C16orf87: variants seen among roughly 807,000 people sequenced by gnomAD.
C16orf87 encodes UPF0547 protein C16orf87.
Under a neutral mutation model 21.0 loss-of-function variants are expected in C16orf87, and 13 were observed. The ratio of observed to expected loss-of-function variants is 0.62; its 90% CI spans 0.40 to 0.98. The LOEUF (loss-of-function observed/expected upper bound fraction) is 0.98, where lower values mean the gene tolerates loss of function less well. Ranked by LOEUF, C16orf87 falls within the 50% of genes least tolerant of loss-of-function variation. C16orf87 has a pLI of 0.00. For missense variants in C16orf87, 113 were observed against 180.4 expected, an observed-to-expected ratio of 0.63 and a Z score of 2.14; for synonymous variants, 49 against 60.2, an observed-to-expected ratio of 0.81 and a Z score of 0.86.
At chr16:46,805,781 G>T (rs949481612) in intron 3 of C16orf87, among the ~76,000 whole-genome samples, 2 of 152,334 alleles carry the variant, frequency 1.3e-5, no homozygotes, top group Admixed American at 6.5e-5. Flanking sequence ...AATCTCTAAT[G>T]AGAGTATCTT....
At chr16:46,818,755 T>C (rs992192958) in intron 2 of C16orf87, among the ~76,000 whole-genome samples, 1 of 152,158 alleles carries the variant, frequency 6.6e-6, no homozygotes, top group African/African-American at 2.4e-5. Flanking sequence ...AGTAGTGAGA[T>C]CACCGCTCAC....
chr16:46,816,776 T>C (rs764911196), intron 2 of C16orf87, among the ~76,000 whole-genome samples: 2 of 152,206 alleles, frequency 1.3e-5, no homozygotes, highest in Non-Finnish European at 1.5e-5. Flanking sequence ...CATCTAGCTC[T>C]AGCCAATGAC....
At chr16:46,825,906 C>A (rs1025900520) in intron 1 of C16orf87, among the ~76,000 whole-genome samples, 4 of 145,604 alleles carry the variant, frequency 2.7e-5, no homozygotes, top group Middle Eastern at 3.5e-3. Context: ...ATGAGCAAGA[C>A]TCTGTCTCAA....
At chr16:46,830,499 AAATAT>A (rs1266005077) in intron 1 of C16orf87, 1 of 152,306 alleles carries the variant, frequency 6.6e-6, no homozygotes, top group African/African-American at 2.4e-5. Flanking sequence ...TGCACAGCAA[AAATAT>A]AATAAATAGA....
chr16:46,830,390 G>A (rs1476842393), intron 1 of C16orf87, among the ~76,000 whole-genome samples: 1 of 152,106 alleles, frequency 6.6e-6, no homozygotes, highest in South Asian at 2.1e-4. Flanking sequence ...ACTGCGAGGG[G>A]TGGGGAAGTT....
Position 46,831,161 on chromosome 16 carries a change from T to C in C16orf87, c.-12A>G. ...CGAGTTGCAGACATGCTCCTCTCCC[T>C]TAGCGGCGGCAGCAGCGACGGCTCG... On this transcript the variant is annotated 5_prime_UTR_variant, in exon 1 of 4. Coordinates refer to ENST00000285697, the MANE Select transcript of C16orf87 (RefSeq NM_001001436.4). The C allele has an allele frequency of 6.4e-7, 1 of 1,557,718 alleles. No homozygotes were observed. Among genetic ancestry groups the C allele is most frequent in the Non-Finnish European group, 8.7e-7 (1 of 1,148,354 alleles).
At chr16:46,804,737 AT>A (rs961273148) in intron 3 of C16orf87, among the ~76,000 whole-genome samples, 2 of 152,200 alleles carry the variant, frequency 1.3e-5, no homozygotes, top group African/African-American at 4.8e-5. Context: ...TCCTCCAGAA[AT>A]TCCTCATGCT....
chr16:46,823,321 T>C (rs1161302872), intron 2 of C16orf87, among the ~76,000 whole-genome samples: 1 of 152,234 alleles, frequency 6.6e-6, no homozygotes, highest in Non-Finnish European at 1.5e-5. Flanking sequence ...TTCAGTGCTT[T>C]GTGCCCAAGG....
At position 46,831,169 on chromosome 16, in the gene C16orf87, G is replaced by C. The variant is rs11548481; in HGVS notation, c.-20C>G. On this transcript the variant is annotated 5_prime_UTR_variant, in exon 1 of 4. Coordinates refer to ENST00000285697, the MANE Select transcript of C16orf87 (RefSeq NM_001001436.4). ...AGACATGCTCCTCTCCCTTAGCGGC[G>C]GCAGCAGCGACGGCTCGGGCTCCTC... 4 of 1,551,852 alleles carry C rather than the reference G, an allele frequency of 2.6e-6. No homozygotes were observed. Among genetic ancestry groups the C allele is most frequent in the African/African-American group, 1.4e-5 (1 of 70,876 alleles).
intron 2 of C16orf87, among the ~76,000 whole-genome samples, chr16:46,821,208 A>G (rs1228345119): frequency 6.6e-6 from 1 of 152,242 alleles, no homozygotes; most frequent in Non-Finnish European, 1.5e-5. Flanking sequence ...TTTCATATGT[A>G]CTTCAATCCT....
rs1967730758 is a variant in C16orf87, at chr16:46,800,193, T to G, written c.*2759A>C. Reference sequence around the variant, plus strand: ...ATACTGACCTTTTTTTTTTTTTTCTTAAGTATTTCTGAAATTTAAAGAAAT... The same window carrying G: ...ATACTGACCTTTTTTTTTTTTTTCTGAAGTATTTCTGAAATTTAAAGAAAT... On this transcript the variant is annotated 3_prime_UTR_variant, in exon 4 of 4. Coordinates refer to ENST00000285697, the MANE Select transcript of C16orf87 (RefSeq NM_001001436.4). The G allele has an allele frequency of 6.6e-6, 1 of 151,010 alleles. No homozygotes were observed. The highest frequency in any genetic ancestry group is 1.5e-5 in the Non-Finnish European group (1 of 67,766). 9.4% of individuals were successfully genotyped at this position (151,010 alleles called of 1,614,324 possible).
intron 2 of C16orf87, among the ~76,000 whole-genome samples, chr16:46,810,265 C>A (rs1253306640): frequency 6.6e-6 from 1 of 152,034 alleles, no homozygotes; most frequent in African/African-American, 2.4e-5. Context: ...AGAAAGCATC[C>A]ATAACAAATA....
intron 3 of C16orf87, among the ~76,000 whole-genome samples, chr16:46,807,405 A>G (rs1369972029): frequency 6.6e-6 from 1 of 151,944 alleles, no homozygotes; most frequent in Non-Finnish European, 1.5e-5. Context: ...TAACAGAGTG[A>G]GACGCTATCT....
At chr16:46,817,612 C>G (rs1968286912) in intron 2 of C16orf87, among the ~76,000 whole-genome samples, 1 of 151,892 alleles carries the variant, frequency 6.6e-6, no homozygotes, top group African/African-American at 2.4e-5. Flanking sequence ...CATTTGAACC[C>G]GGGAGGTGGA....
chr16:46,823,522 G>A (rs915196005), intron 2 of C16orf87, among the ~76,000 whole-genome samples: 3 of 152,094 alleles, frequency 2.0e-5, no homozygotes, highest in African/African-American at 7.2e-5. Context: ...AAAGCAACAA[G>A]TTCAAACAAA....
At chr16:46,810,747 C>T (rs982016081) in intron 2 of C16orf87, among the ~76,000 whole-genome samples, 6 of 152,156 alleles carry the variant, frequency 3.9e-5, no homozygotes, top group African/African-American at 1.2e-4. Context: ...TCAAATTAGA[C>T]ATATACCAGA....
At chr16:46,808,533 A>G (rs535819676) in intron 3 of C16orf87, among the ~76,000 whole-genome samples, 1 of 152,360 alleles carries the variant, frequency 6.6e-6, no homozygotes, top group East Asian at 1.9e-4. Context: ...ATAGTGTAAG[A>G]AATTAAAAAT....
chr16:46,801,898 C>A lies in C16orf87; in HGVS notation c.*1054G>T, dbSNP rs1343633485. On this transcript the variant is annotated 3_prime_UTR_variant, in exon 4 of 4. Transcript: ENST00000285697. ...GATTACCAAGTTTGAATATGTTAAT[C>A]ATTAAATTGATATGCCAAAATGCAA... 1 of 152,094 alleles carries A rather than the reference C, an allele frequency of 6.6e-6. No individual in the cohort carries two copies. Among genetic ancestry groups the A allele is most frequent in the African/African-American group, 2.4e-5 (1 of 41,410 alleles). 9.4% of individuals were successfully genotyped at this position (152,094 alleles called of 1,614,324 possible).
intron 2 of C16orf87, among the ~76,000 whole-genome samples, chr16:46,821,183 G>C (rs1037868748): frequency 2.0e-5 from 3 of 152,152 alleles, no homozygotes; most frequent in African/African-American, 7.2e-5. Flanking sequence ...ACCATGCTTT[G>C]CAAATGTTAG....
Sources: allele counts gnomAD v4.1 joint callset (sites outside exome capture counted in the v4.1 genomes callset), GRCh38; gene constraint gnomAD v4.1.1; transcripts MANE v1.5; gene names NCBI Gene and HGNC (gene_info 2026-07-23, HGNC 2026-07-21).